Variants in ASTN2 observed in about 807,000 individuals in gnomAD.
The protein encoded by ASTN2 is astrotactin-2.
A neutral mutation model predicts 139.8 loss-of-function variants in ASTN2; 54 were observed. That is an observed-to-expected ratio of 0.39 (90% confidence interval 0.31 to 0.48). The LOEUF (loss-of-function observed/expected upper bound fraction) is 0.48, where lower values mean the gene tolerates loss of function less well. Among genes scored for constraint, ASTN2 ranks in the 20% least tolerant of loss-of-function variants. The pLI is 0.95. For synonymous variants in ASTN2, 756 were observed against 719.5 expected (o/e 1.05, Z -0.81); for missense variants, 1,565 against 1,725.1 (o/e 0.91, Z 1.64).
chr9:116,960,475 T>A (rs1028590478), intron 10 of ASTN2, among the ~76,000 whole-genome samples: 15 of 552 alleles, frequency 0.027, no homozygotes, highest in Non-Finnish European at 0.14. Context: ...TAGGCCTGAT[T>A]TTTTTTTTTT....
intron 5 of ASTN2, among the ~76,000 whole-genome samples, chr9:117,054,118 G>A (rs189081744): frequency 6.6e-6 from 1 of 152,036 alleles, no homozygotes; most frequent in Non-Finnish European, 1.5e-5. Context: ...ACCCATTTCA[G>A]GCTGACACTC....
At chr9:117,319,986 T>C (rs940660532) in intron 1 of ASTN2, among the ~76,000 whole-genome samples, 44 of 152,222 alleles carry the variant, frequency 2.9e-4, no homozygotes, top group African/African-American at 1.0e-3. Context: ...GTAGAATTTC[T>C]TTTAAATGAA....
At chr9:116,632,370 G>A (rs1856850681) in intron 17 of ASTN2, among the ~76,000 whole-genome samples, 1 of 150,532 alleles carries the variant, frequency 6.6e-6, no homozygotes, top group African/African-American at 2.4e-5. Flanking sequence ...CACTTTAAGA[G>A]GATTGCTTGA....
At chr9:116,986,087 A>G (rs1836669895) in intron 7 of ASTN2, among the ~76,000 whole-genome samples, 1 of 152,042 alleles carries the variant, frequency 6.6e-6, no homozygotes, top group Non-Finnish European at 1.5e-5. Flanking sequence ...TGTAGGCAGC[A>G]CTTGGTATGT....
chr9:116,506,511 T>C (rs925388505), intron 19 of ASTN2, among the ~76,000 whole-genome samples: 1 of 152,162 alleles, frequency 6.6e-6, no homozygotes, highest in Admixed American at 6.5e-5. Flanking sequence ...TGACTTCACA[T>C]GTTCTCCACC....
intron 16 of ASTN2, among the ~76,000 whole-genome samples, chr9:116,707,351 T>C (rs146915404): frequency 2.5e-3 from 352 of 142,798 alleles, no homozygotes; most frequent in African/African-American, 8.7e-3. Flanking sequence ...GCATCCATGC[T>C]ATAGCCAAGG....
intron 5 of ASTN2, among the ~76,000 whole-genome samples, chr9:117,075,493 G>A (rs949897219): frequency 4.8e-5 from 7 of 145,662 alleles, no homozygotes; most frequent in Admixed American, 4.1e-4. Context: ...AGATGGAGGG[G>A]AAGGGGGAGG....
intron 10 of ASTN2, among the ~76,000 whole-genome samples, chr9:116,904,987 T>C (rs1338479981): frequency 6.6e-6 from 1 of 152,096 alleles, no homozygotes; most frequent in Admixed American, 6.6e-5. Context: ...CAAAGGCCCC[T>C]CTGTGGTCCT....
chr9:116,920,158 T>C (rs1319886613), intron 10 of ASTN2, among the ~76,000 whole-genome samples: 2 of 152,268 alleles, frequency 1.3e-5, no homozygotes, highest in Admixed American at 6.5e-5. Context: ...AAAAGTTTTC[T>C]TCCTGGACAG....
intron 1 of ASTN2, among the ~76,000 whole-genome samples, chr9:117,376,785 C>T (rs921323768): frequency 6.6e-6 from 1 of 152,118 alleles, no homozygotes; most frequent in Non-Finnish European, 1.5e-5. Context: ...TGTGTGGTGT[C>T]CAACATTGCA....
chr9:117,367,026 G>C (rs1587985521), intron 1 of ASTN2, among the ~76,000 whole-genome samples: 1 of 152,092 alleles, frequency 6.6e-6, no homozygotes, highest in Non-Finnish European at 1.5e-5. Flanking sequence ...ACCTACCTCA[G>C]CCTCTCAAAG....
chr9:117,171,367 G>A (rs1227481933), intron 3 of ASTN2, among the ~76,000 whole-genome samples: 6 of 152,104 alleles, frequency 3.9e-5, no homozygotes, highest in Admixed American at 2.0e-4. Context: ...CAGAAGGGTT[G>A]TTTAACCTCT....
At chr9:116,862,357 G>A (rs950809371) in intron 11 of ASTN2, among the ~76,000 whole-genome samples, 1 of 152,066 alleles carries the variant, frequency 6.6e-6, no homozygotes, top group African/African-American at 2.4e-5. Context: ...GATTCCCTGG[G>A]TTCTCCCTCA....
At chr9:116,794,247 C>T (rs1037341188) in intron 13 of ASTN2, among the ~76,000 whole-genome samples, 7 of 151,720 alleles carry the variant, frequency 4.6e-5, no homozygotes, top group South Asian at 2.1e-4. Context: ...TACAGGCAGG[C>T]GCCACCAAGC....
chr9:116,527,712 G>T (rs895386258), intron 19 of ASTN2, among the ~76,000 whole-genome samples: 5 of 152,148 alleles, frequency 3.3e-5, no homozygotes, highest in African/African-American at 1.2e-4. Flanking sequence ...ATCCCCATGT[G>T]TTGGGGAGGG....
intron 1 of ASTN2, among the ~76,000 whole-genome samples, chr9:117,322,093 C>T (rs541537719): frequency 6.6e-5 from 10 of 152,200 alleles, no homozygotes; most frequent in South Asian, 4.1e-4. Flanking sequence ...ATCTTATCCC[C>T]GGGCAAGCCT....
intron 1 of ASTN2, among the ~76,000 whole-genome samples, chr9:117,387,735 G>C (rs192257267): frequency 7.2e-5 from 11 of 152,284 alleles, no homozygotes; most frequent in African/African-American, 1.9e-4. Context: ...AATCCTCTTT[G>C]TTTCTGGAGA....
At chr9:116,644,716 G>A (rs1037010218) in intron 17 of ASTN2, among the ~76,000 whole-genome samples, 6 of 152,142 alleles carry the variant, frequency 3.9e-5, no homozygotes, top group African/African-American at 1.4e-4. Context: ...GGTATGGAGT[G>A]CAAGATATGT....
chr9:117,057,520 C>T (rs1839097212), intron 5 of ASTN2, among the ~76,000 whole-genome samples: 1 of 152,188 alleles, frequency 6.6e-6, no homozygotes, highest in Non-Finnish European at 1.5e-5. Context: ...CACACCTGAA[C>T]AGCTTGAAGA....
Sources: gnomAD v4.1 joint callset for allele counts (sites outside exome capture counted in the v4.1 genomes callset) on GRCh38, gnomAD v4.1.1 for gene constraint, MANE v1.5 for transcripts, NCBI Gene and HGNC (gene_info 2026-07-23, HGNC 2026-07-21) for gene names.